The following ME1 variants were observed in gnomAD, a reference collection of about 807,000 sequenced individuals.
ME1 encodes malic enzyme 1.
A neutral mutation model predicts 66.4 loss-of-function variants in ME1; 74 were observed. That is an observed-to-expected ratio of 1.11 (90% CI 0.92 to 1.35). The LOEUF (loss-of-function observed/expected upper bound fraction) is 1.35, where lower values mean the gene tolerates loss of function less well. Among genes scored for constraint, ME1 ranks in the 40% most tolerant of loss-of-function variants. The pLI is 0.00. For synonymous variants in ME1, 251 were observed against 235.6 expected (o/e 1.07, Z -0.60); for missense variants, 750 against 694.1 (o/e 1.08, Z -0.90).
At chr6:83,388,387 C>A (rs1769555549) in intron 3 of ME1, among the ~76,000 whole-genome samples, 3 of 152,092 alleles carry the variant, frequency 2.0e-5, no homozygotes, top group Non-Finnish European at 4.4e-5. Flanking sequence ...CATCTGGCCC[C>A]CCAAATGAAC....
intron 6 of ME1, among the ~76,000 whole-genome samples, chr6:83,256,189 C>T (rs1184913897): frequency 1.3e-5 from 2 of 152,040 alleles, no homozygotes; most frequent in African/African-American, 2.4e-5. Flanking sequence ...ATAGTAACAG[C>T]CTATTACCAT....
intron 7 of ME1, among the ~76,000 whole-genome samples, chr6:83,241,402 T>G (rs1273545141): frequency 1.3e-5 from 2 of 152,184 alleles, no homozygotes; most frequent in Admixed American, 1.3e-4. Flanking sequence ...TATTTTTATT[T>G]ACATCGAATT....
intron 5 of ME1, among the ~76,000 whole-genome samples, chr6:83,333,016 T>C (rs867995080): frequency 3.9e-5 from 6 of 152,336 alleles, no homozygotes; most frequent in African/African-American, 1.4e-4. Flanking sequence ...CTGCAGAAGC[T>C]TAAAAGCAGT....
intron 6 of ME1, among the ~76,000 whole-genome samples, chr6:83,258,094 T>C (rs1239375002): frequency 1.3e-5 from 2 of 152,234 alleles, no homozygotes; most frequent in East Asian, 3.8e-4. Context: ...TTGCCTTCAA[T>C]GTTTAGGACA....
intron 5 of ME1, among the ~76,000 whole-genome samples, chr6:83,319,282 A>G (rs1768107441): frequency 6.6e-6 from 1 of 151,856 alleles, no homozygotes; most frequent in African/African-American, 2.4e-5. Context: ...GTGCACATGT[A>G]CCCTAAAACT....
rs902992262 is a variant in ME1 at position 83,228,774 on chromosome 6, C to A, written c.1132+52G>T. 83 of 1,210,464 alleles carry A rather than the reference C, an allele frequency of 6.9e-5. 2 individuals are homozygous for A. In the East Asian group the frequency reaches 1.7e-3, roughly 24 times the overall value. The allele number at this position is 1,210,464 out of a possible 1,614,324, so 75.0% of individuals were successfully genotyped here. A position where few individuals can be genotyped will look rare whatever the true frequency, so the allele number is the denominator to read the frequency against. Reference sequence around the variant, plus strand: ...CCTCAAAAATTGGTAGTAAAAAAAACAATCAGGTCAAAATAAGGGGTAGGG... The same window carrying A: ...CCTCAAAAATTGGTAGTAAAAAAAAAAATCAGGTCAAAATAAGGGGTAGGG... On this transcript the variant is annotated intron_variant, in intron 10 of 13. Transcript: ENST00000369705.
At chr6:83,269,812 C>A (rs183649655) in intron 6 of ME1, among the ~76,000 whole-genome samples, 1 of 152,250 alleles carries the variant, frequency 6.6e-6, no homozygotes, top group African/African-American at 2.4e-5. Context: ...ATTCTAGTGC[C>A]TATCTTCAGT....
chr6:83,355,900 T>G (rs990575240), intron 3 of ME1, among the ~76,000 whole-genome samples: 3 of 152,182 alleles, frequency 2.0e-5, no homozygotes, highest in African/African-American at 7.2e-5. Context: ...TTAAAATGTT[T>G]AATTTTAGAC....
chr6:83,393,741 C>T (rs1769676996), intron 3 of ME1, among the ~76,000 whole-genome samples: 1 of 152,088 alleles, frequency 6.6e-6, no homozygotes, highest in African/African-American at 2.4e-5. Flanking sequence ...AATAAACATC[C>T]TTGAATTTAA....
intron 1 of ME1, among the ~76,000 whole-genome samples, chr6:83,415,842 T>A (rs1562008270): frequency 6.6e-6 from 1 of 152,196 alleles, no homozygotes; most frequent in South Asian, 2.1e-4. Context: ...GGGGATTTTT[T>A]AAAGTACTTT....
Position 83,405,746 on chromosome 6 carries a change from G to T in ME1, c.212+2022C>A, listed in dbSNP as rs1769929678. Among the ~76,000 whole-genome samples the T allele has an allele frequency of 5.5e-5, 8 of 144,344 alleles. 1 individual carries two copies. In the South Asian group the frequency reaches 1.7e-3, roughly 31 times the overall value. 94.7% of individuals were successfully genotyped at this position (144,344 alleles called of 152,430 possible). A position where few individuals can be genotyped will look rare whatever the true frequency, so the allele number is the denominator to read the frequency against. ...TGTTTTTTTTTTTTTTTTTGAGACG[G>T]AGTCTCGCTCTGTCGCCCAGGCTGG... On this transcript the variant is annotated intron_variant, in intron 2 of 13. Transcript: ENST00000369705.
intron 11 of ME1, among the ~76,000 whole-genome samples, chr6:83,226,218 G>T (rs1263705147): frequency 2.0e-5 from 3 of 152,090 alleles, no homozygotes; most frequent in Non-Finnish European, 4.4e-5. Context: ...ATAAGAAAGA[G>T]TTGAGGCATA....
At chr6:83,373,111 G>A (rs1262035598) in intron 3 of ME1, among the ~76,000 whole-genome samples, 1 of 151,970 alleles carries the variant, frequency 6.6e-6, no homozygotes, top group Admixed American at 6.6e-5. Context: ...TATTAAATTC[G>A]AGCATTTATT....
chr6:83,390,102 T>A (rs1383708098), intron 3 of ME1, among the ~76,000 whole-genome samples: 2 of 152,182 alleles, frequency 1.3e-5, no homozygotes, highest in Non-Finnish European at 2.9e-5. Flanking sequence ...CAAGAATTTA[T>A]TTTGGGATAC....
chr6:83,380,717 G>A (rs1360969371), intron 3 of ME1, among the ~76,000 whole-genome samples: 1 of 152,072 alleles, frequency 6.6e-6, no homozygotes, highest in Non-Finnish European at 1.5e-5. Flanking sequence ...GGAAGTAGTT[G>A]TTTGCCATAT....
intron 13 of ME1, among the ~76,000 whole-genome samples, chr6:83,215,014 T>C (rs1413648172): frequency 6.6e-6 from 1 of 152,212 alleles, no homozygotes; most frequent in African/African-American, 2.4e-5. Context: ...AAAATGATAA[T>C]ATGCTATTCA....
At chr6:83,345,893 C>T (rs1288978911) in intron 5 of ME1, among the ~76,000 whole-genome samples, 1 of 151,936 alleles carries the variant, frequency 6.6e-6, no homozygotes, top group Non-Finnish European at 1.5e-5. Flanking sequence ...AAACTATTGC[C>T]TTAAAGTAAA....
In ME1 at chr6:83,212,578, C is replaced by T. The variant is rs149079417; in HGVS notation, c.1549-484G>A. ...AGTCAGGATGAGCACTCTTTGCCAG[C>T]GTCACAGATTCTCTGGTCATCACGC... On this transcript the variant is annotated intron_variant, in intron 13 of 13. Coordinates refer to ENST00000369705, the MANE Select transcript of ME1 (RefSeq NM_002395.6). 1.1e-3 allele frequency among the ~76,000 whole-genome samples: 170 copies of T among 152,286 alleles called. 2 individuals are homozygous for T. The highest frequency in any genetic ancestry group is 3.6e-3 in the African/African-American group (149 of 41,556).
At chr6:83,352,580 G>A (rs1163820399) in intron 3 of ME1, among the ~76,000 whole-genome samples, 1 of 152,100 alleles carries the variant, frequency 6.6e-6, no homozygotes, top group Non-Finnish European at 1.5e-5. Context: ...ATGAAGATGA[G>A]AACATGTGTT....
Sources: gnomAD v4.1 joint callset for allele counts (sites outside exome capture counted in the v4.1 genomes callset) on GRCh38, gnomAD v4.1.1 for gene constraint, MANE v1.5 for transcripts, NCBI Gene and HGNC (gene_info 2026-07-23, HGNC 2026-07-21) for gene names.